Variants in CDH8 observed in about 807,000 individuals in gnomAD.
CDH8 encodes the protein cadherin-8.
CDH8 carries 17 observed loss-of-function variants against 68.1 expected under a neutral mutation model. That is an observed-to-expected ratio of 0.25 (90% confidence interval 0.17 to 0.37). The LOEUF is 0.37. CDH8 is among the 10% of genes least tolerant of loss of function. The probability of loss-of-function intolerance (pLI) is 1.00; values close to 1 mark genes in which losing one functional copy is unlikely to be tolerated. For missense variants in CDH8, 763 were observed against 999.3 expected (o/e 0.76, Z 3.19); for synonymous variants, 372 against 365.1 (o/e 1.02, Z -0.21).
At chr16:61,969,014 GA>G (rs1458546259) in intron 2 of CDH8, among the ~76,000 whole-genome samples, 1 of 152,202 alleles carries the variant, frequency 6.6e-6, no homozygotes, top group Non-Finnish European at 1.5e-5. Flanking sequence ...AGATTCTTGA[GA>G]TGCACAGATC....
chr16:61,688,866 A>T (rs1267795572), intron 10 of CDH8, among the ~76,000 whole-genome samples: 1 of 152,014 alleles, frequency 6.6e-6, no homozygotes, highest in Non-Finnish European at 1.5e-5. Flanking sequence ...AAAAATCTCG[A>T]AGTCATTGTA....
At chr16:61,724,670 T>C (rs1959291922) in intron 9 of CDH8, among the ~76,000 whole-genome samples, 1 of 150,782 alleles carries the variant, frequency 6.6e-6, no homozygotes, top group African/African-American at 2.4e-5. Flanking sequence ...TGTTCAAAAA[T>C]ATTGAGAAAG....
At chr16:61,716,845 C>T (rs958707298) in intron 9 of CDH8, among the ~76,000 whole-genome samples, 3 of 151,700 alleles carry the variant, frequency 2.0e-5, no homozygotes, top group Non-Finnish European at 4.4e-5. Flanking sequence ...GACTTCATAC[C>T]ATTAAAATGC....
intron 10 of CDH8, among the ~76,000 whole-genome samples, chr16:61,695,828 A>G (rs1964315063): frequency 6.6e-6 from 1 of 152,184 alleles, no homozygotes; most frequent in Non-Finnish European, 1.5e-5. Context: ...GAGTTTTTTT[A>G]ACTGATTTAT....
At chr16:61,750,865 C>T (rs1960141248) in intron 8 of CDH8, among the ~76,000 whole-genome samples, 1 of 151,996 alleles carries the variant, frequency 6.6e-6, no homozygotes, top group South Asian at 2.1e-4. Context: ...AAAAAGATTC[C>T]ATAGCTTTTG....
At chr16:61,706,620 C>CA (rs781148249) in intron 10 of CDH8, among the ~76,000 whole-genome samples, 2,944 of 59,654 alleles carry the variant, frequency 0.049, 182 homozygotes, top group African/African-American at 0.068. Context: ...GACTCTGTCT[C>CA]AAAAAAAAAA....
At chr16:61,711,818 G>T (rs568411538) in intron 10 of CDH8, among the ~76,000 whole-genome samples, 1 of 151,578 alleles carries the variant, frequency 6.6e-6, no homozygotes, top group Non-Finnish European at 1.5e-5. Flanking sequence ...GTGTTTTTCA[G>T]ACATAAATAT....
chr16:62,010,646 T>C (rs1026698943), intron 2 of CDH8, among the ~76,000 whole-genome samples: 8 of 152,136 alleles, frequency 5.3e-5, no homozygotes, highest in African/African-American at 1.9e-4. Context: ...TAAAATCTCT[T>C]TTTCTCTTGG....
At chr16:61,887,525 G>A (rs537902535) in intron 3 of CDH8, among the ~76,000 whole-genome samples, 1 of 152,290 alleles carries the variant, frequency 6.6e-6, no homozygotes, top group Admixed American at 6.5e-5. Flanking sequence ...GCCTTCTCAT[G>A]TGCTTGTTCA....
chr16:61,834,209 C>T (rs561379266), intron 4 of CDH8, among the ~76,000 whole-genome samples: 1 of 151,902 alleles, frequency 6.6e-6, no homozygotes, highest in Admixed American at 6.6e-5. Context: ...TGCCATGTCT[C>T]CAGGGACCAG....
chr16:61,755,598 CT>C (rs1452669685), intron 8 of CDH8, among the ~76,000 whole-genome samples: 1 of 151,942 alleles, frequency 6.6e-6, no homozygotes, highest in Non-Finnish European at 1.5e-5. Flanking sequence ...TATACAGTGG[CT>C]GTGTGCCAAT....
chr16:61,665,788 C>CTTCCTTCCTTCCT (rs1963660479), intron 10 of CDH8, among the ~76,000 whole-genome samples: 2 of 124,712 alleles, frequency 1.6e-5, no homozygotes, highest in African/African-American at 6.0e-5. Flanking sequence ...TCCTTCCTTC[C>CTTCCTTCCTTCCT]TTCCTTCCTT....
At chr16:61,866,648 A>G (rs1387825418) in intron 3 of CDH8, among the ~76,000 whole-genome samples, 1 of 152,074 alleles carries the variant, frequency 6.6e-6, no homozygotes, top group East Asian at 1.9e-4. Context: ...GATTATACTG[A>G]GATCATATTC....
At chr16:61,898,937 T>G (rs1207257692) in intron 3 of CDH8, among the ~76,000 whole-genome samples, 1 of 152,252 alleles carries the variant, frequency 6.6e-6, no homozygotes, top group South Asian at 2.1e-4. Flanking sequence ...CAAAAGTGAC[T>G]GCTATGCCAT....
At chr16:61,720,033 A>G (rs1431014337) in intron 9 of CDH8, among the ~76,000 whole-genome samples, 1 of 150,458 alleles carries the variant, frequency 6.6e-6, no homozygotes, top group Admixed American at 6.6e-5. Flanking sequence ...ACCAAACCAC[A>G]TCATATATTG....
intron 2 of CDH8, among the ~76,000 whole-genome samples, chr16:61,911,698 A>G (rs1055321561): frequency 2.7e-5 from 4 of 150,904 alleles, no homozygotes; most frequent in African/African-American, 9.7e-5. Context: ...GTGTATAGAT[A>G]TGGATACCGA....
intron 1 of CDH8, among the ~76,000 whole-genome samples, chr16:62,032,350 G>A (rs1297444871): frequency 6.6e-6 from 1 of 152,012 alleles, no homozygotes; most frequent in Non-Finnish European, 1.5e-5. Flanking sequence ...TTATTTGCGT[G>A]CGTGTGTGTG....
chr16:61,734,234 G>A (rs924433649), intron 8 of CDH8, among the ~76,000 whole-genome samples: 8 of 152,086 alleles, frequency 5.3e-5, no homozygotes, highest in Admixed American at 2.6e-4. Context: ...GTTTAAAGAG[G>A]ATGGACTTTG....
chr16:61,790,305 A>G (rs1961349302), intron 7 of CDH8, among the ~76,000 whole-genome samples: 1 of 152,024 alleles, frequency 6.6e-6, no homozygotes, highest in Non-Finnish European at 1.5e-5. Flanking sequence ...AAAAGAAATT[A>G]TTCTCACGAC....
Sources: allele counts gnomAD v4.1 joint callset (sites outside exome capture counted in the v4.1 genomes callset), GRCh38; gene constraint gnomAD v4.1.1; transcripts MANE v1.5; gene names NCBI Gene and HGNC (gene_info 2026-07-23, HGNC 2026-07-21).